Variants in DNAH7 observed in about 807,000 individuals in gnomAD.
DNAH7 encodes the protein dynein axonemal heavy chain 7.
DNAH7 carries 397 observed loss-of-function variants against 444.6 expected under a neutral mutation model. The ratio of observed to expected loss-of-function variants is 0.89; its 90% CI spans 0.82 to 0.97. The LOEUF is 0.97. Among genes scored for constraint, DNAH7 ranks in the 50% least tolerant of loss-of-function variants. The pLI, the probability that DNAH7 is intolerant of heterozygous loss-of-function variation, is 0.00. For synonymous variants in DNAH7, 1,636 were observed against 1,624.4 expected, an observed-to-expected ratio of 1.01 and a Z score of -0.17; for missense variants, 4,902 against 4,800.8, an observed-to-expected ratio of 1.02 and a Z score of -0.62.
chr2:195,883,102 A>G (rs1399114077), intron 35 of DNAH7, among the ~76,000 whole-genome samples: 1 of 152,188 alleles, frequency 6.6e-6, no homozygotes, highest in Non-Finnish European at 1.5e-5. Context: ...ATTCTTGATA[A>G]TCTTTTCAAA....
At chr2:195,778,826 C>T (rs1371768391) in intron 58 of DNAH7, among the ~76,000 whole-genome samples, 1 of 141,958 alleles carries the variant, frequency 7.0e-6, no homozygotes, top group African/African-American at 2.6e-5. Context: ...CATATATATA[C>T]ATATACACAA....
intron 58 of DNAH7, among the ~76,000 whole-genome samples, chr2:195,778,749 A>G (rs1301430288): frequency 7.4e-6 from 1 of 134,930 alleles, no homozygotes; most frequent in Non-Finnish European, 1.6e-5. Context: ...TATATATAAT[A>G]AAACTCAGAG....
At position 196,044,203 on chromosome 2, in the gene DNAH7, A is replaced by ATATG. The variant is rs1553611806; in HGVS notation, c.398+3148_398+3149insCATA. Among the ~76,000 whole-genome samples the ATATG allele has an allele frequency of 4.4e-3, 653 of 147,072 alleles. 8 individuals are homozygous for ATATG. Among genetic ancestry groups the ATATG allele is most frequent in the African/African-American group, 0.014 (574 of 39,828 alleles). ...TAAAAAAATGTTTATATATATATAT[A>ATATG]TGTGTGTGTGTGTGTGTGTGTGTAT... On this transcript the variant is annotated intron_variant, in intron 5 of 64. Coordinates refer to ENST00000312428, the MANE Select transcript of DNAH7 (RefSeq NM_018897.3).
intron 64 of DNAH7, 116 bp downstream of exon 64, chr2:195,740,650 T>TACACACAC (rs566613840): frequency 1.4e-5 from 1 of 72,222 alleles, no homozygotes; most frequent in African/African-American, 6.6e-5. Context: ...TATATACATA[T>TACACACAC]ACACACACAC....
Position 195,788,238 on chromosome 2 carries a change from G to A in DNAH7, c.10717-1067C>T, listed in dbSNP as rs533783162. 3.9e-4 allele frequency among the ~76,000 whole-genome samples: 59 copies of A among 152,274 alleles called. No homozygotes were observed. In the South Asian group the frequency reaches 0.012, roughly 31 times the overall value. Reference sequence around the variant, plus strand: ...CCAGCCTTGCCCTCACACACACTTGGAGCTGAGCAGTCAGTATCAGCAGCT... The same window carrying A: ...CCAGCCTTGCCCTCACACACACTTGAAGCTGAGCAGTCAGTATCAGCAGCT... On this transcript the variant is annotated intron_variant, in intron 57 of 64. Coordinates refer to ENST00000312428, the MANE Select transcript of DNAH7 (RefSeq NM_018897.3).
At chr2:195,810,951 A>G (rs544819763) in intron 51 of DNAH7, among the ~76,000 whole-genome samples, 2 of 152,344 alleles carry the variant, frequency 1.3e-5, no homozygotes, top group South Asian at 4.1e-4. Flanking sequence ...TTTTCAGAGT[A>G]AAACAAAATT....
intron 61 of DNAH7, among the ~76,000 whole-genome samples, chr2:195,769,819 A>T (rs1694753619): frequency 6.6e-6 from 1 of 152,246 alleles, no homozygotes; most frequent in South Asian, 2.1e-4. Context: ...ATTTGAAATA[A>T]TTTATACATT....
chr2:195,816,241 T>A lies in DNAH7; in HGVS notation c.9761+387A>T, dbSNP rs77941893. Among the ~76,000 whole-genome samples the A allele has an allele frequency of 7.9e-3, 1,204 of 152,304 alleles. 10 individuals are homozygous for A. The highest frequency in any genetic ancestry group is 0.02 in the Middle Eastern group (6 of 294). The stretch of plus-strand genomic sequence containing the variant: ...TTTTTACCCTAGCATTTGACAAATT[T>A]TACAGATGTGTATATTAAACTGTGA... On this transcript the variant is annotated intron_variant, in intron 51 of 64. Transcript: ENST00000312428.
Position 195,771,659 on chromosome 2 carries a change from C to T in DNAH7, c.11433+1G>A. 1 of 1,609,148 alleles carries T rather than the reference C, an allele frequency of 6.2e-7. No individual in the cohort carries two copies. Among genetic ancestry groups the T allele is most frequent in the Non-Finnish European group, 8.5e-7 (1 of 1,175,722 alleles). ...GTTTTTTTTGGTGTTTTTCACCTTA[C>T]CTTGATTGCTTTTTGAATATTTACG... On this transcript the variant is annotated splice_donor_variant, in intron 61 of 64. Transcript: ENST00000312428. LOFTEE classifies it high-confidence loss of function.
intron 35 of DNAH7, 32 bp from the exon 36 acceptor site, chr2:195,882,024 C>T (rs753612271): frequency 9.6e-6 from 15 of 1,569,348 alleles, no homozygotes; most frequent in Admixed American, 1.7e-5. Context: ...GTAATGAATG[C>T]TATAAAATAC....
intron 14 of DNAH7, among the ~76,000 whole-genome samples, chr2:195,986,184 C>T (rs1692895264): frequency 6.6e-6 from 1 of 152,192 alleles, no homozygotes; most frequent in Non-Finnish European, 1.5e-5. Flanking sequence ...CCTCTCTGTT[C>T]TACCTTGTGG....
At chr2:196,012,993 A>G in intron 9 of DNAH7, 87 bp from the exon 10 acceptor site, 3 of 955,388 alleles carry the variant, frequency 3.1e-6, no homozygotes, top group South Asian at 2.7e-5. Flanking sequence ...TAAAAATATC[A>G]TATTCCTAGG....
intron 35 of DNAH7, among the ~76,000 whole-genome samples, chr2:195,883,449 G>C (rs189528589): frequency 5.9e-5 from 8 of 135,870 alleles, no homozygotes; most frequent in African/African-American, 1.4e-4. Context: ...CTCAGTCCCC[G>C]CTCCCCCCCC....
chr2:195,740,615 GTATATATATATATA>G (rs1238331047), intron 64 of DNAH7, 137 bp downstream of exon 64: 38 of 71,492 alleles, frequency 5.3e-4, no homozygotes, highest in African/African-American at 1.4e-3. Flanking sequence ...GTGTGTGTGT[GTATATATATATATA>G]TATATATATA....
chr2:195,834,748 C>G (rs2124960143), intron 47 of DNAH7, among the ~76,000 whole-genome samples: 1 of 152,282 alleles, frequency 6.6e-6, no homozygotes, highest in South Asian at 2.1e-4. Context: ...ATCATGTGAC[C>G]TTGAGTAAGT....
intron 24 of DNAH7, among the ~76,000 whole-genome samples, chr2:195,917,918 C>T (rs1357524947): frequency 6.6e-6 from 1 of 152,182 alleles, no homozygotes; most frequent in African/African-American, 2.4e-5. Flanking sequence ...ATCCTCCTCC[C>T]TTGGCCTCCC....
At chr2:195,886,879 T>C (rs1701741357) in intron 33 of DNAH7, among the ~76,000 whole-genome samples, 5 of 152,296 alleles carry the variant, frequency 3.3e-5, no homozygotes, top group South Asian at 2.1e-4. Context: ...TCTCTTCCAA[T>C]TGCCAAGTCA....
At position 195,906,594 on chromosome 2, in the gene DNAH7, C is replaced by T; in HGVS notation, c.4335+65G>A. 2.6e-6 allele frequency: 4 copies of T among 1,514,786 alleles called. No individual in the cohort carries two copies. The East Asian group carries it at 9.4e-5, about 35-fold the overall frequency. 93.8% of individuals were successfully genotyped at this position (1,514,786 alleles called of 1,614,324 possible). ...TAGGCGTTAGCCACCACGCCCAGCT[C>T]TTTTCATATATTAACTTTGTAAATT... On this transcript the variant is annotated intron_variant, in intron 27 of 64. Coordinates refer to ENST00000312428, the MANE Select transcript of DNAH7 (RefSeq NM_018897.3).
intron 61 of DNAH7, among the ~76,000 whole-genome samples, chr2:195,769,826 C>T (rs1310981762): frequency 6.6e-6 from 1 of 152,078 alleles, no homozygotes; most frequent in Non-Finnish European, 1.5e-5. Context: ...ATAATTTATA[C>T]ATTTTATTTT....
Sources: gnomAD v4.1 joint callset for allele counts (sites outside exome capture counted in the v4.1 genomes callset) on GRCh38, gnomAD v4.1.1 for gene constraint, MANE v1.5 for transcripts, NCBI Gene and HGNC (gene_info 2026-07-23, HGNC 2026-07-21) for gene names.